The following RAD18 variants were observed in gnomAD, a reference collection of about 807,000 sequenced individuals.
RAD18 encodes the protein RAD18 E3 ubiquitin protein ligase.
Under a neutral mutation model 60.4 loss-of-function variants are expected in RAD18, and 47 were observed. The ratio of observed to expected loss-of-function variants is 0.78; its 90% CI spans 0.62 to 0.99. RAD18 has a LOEUF of 0.99. Ranked by LOEUF, RAD18 falls within the 50% of genes least tolerant of loss-of-function variation. The pLI is 0.00. For missense variants in RAD18, 640 were observed against 593.3 expected (o/e 1.08, Z -0.82); for synonymous variants, 225 against 195.5 (o/e 1.15, Z -1.26).
chr3:8,904,703 C>T (rs1939973520), intron 9 of RAD18, among the ~76,000 whole-genome samples: 1 of 152,148 alleles, frequency 6.6e-6, no homozygotes, highest in African/African-American at 2.4e-5. Flanking sequence ...AATGGGCTAA[C>T]ACTACCATCA....
intron 12 of RAD18, among the ~76,000 whole-genome samples, chr3:8,882,740 G>C (rs1364292808): frequency 6.6e-6 from 1 of 152,188 alleles, no homozygotes; most frequent in East Asian, 1.9e-4. Flanking sequence ...CTAAGCAGAA[G>C]TCAAAGCAGC....
chr3:8,902,472 T>C lies in RAD18; in HGVS notation c.1076A>G (p.Lys359Arg), dbSNP rs1939930230. ...EFQLLVDQAR[K>R]GYKKIAGMSQ... ...CATTCCAGCAATTTTCTTGTATCCT[T>C]TTCTAGCCTGATCCACCAGAAGCTG... The change falls in exon 10 of 13, where the codon AAA (lysine) becomes AGA (arginine). Residue 359 changes from lysine to arginine, a missense_variant. Physicochemically the swap from Lys to Arg is conservative, Grantham distance 26. Transcript: ENST00000264926. 2 of 1,609,488 alleles carry C rather than the reference T, an allele frequency of 1.2e-6. No homozygotes were observed. The highest frequency in any genetic ancestry group is 1.1e-5 in the South Asian group (1 of 90,112).
intron 1 of RAD18, 98 bp from the exon 2 acceptor site, chr3:8,959,099 C>T (rs907455072): frequency 1.1e-6 from 1 of 914,748 alleles, no homozygotes; most frequent in Non-Finnish European, 1.8e-6. Context: ...AAAAATCAAA[C>T]TCTTTGTCAA....
intron 2 of RAD18, among the ~76,000 whole-genome samples, chr3:8,955,906 TA>T: frequency 6.6e-6 from 1 of 152,204 alleles, no homozygotes; most frequent in East Asian, 1.9e-4. Flanking sequence ...AGTGGATGCC[TA>T]AAACCACAGG....
chr3:8,899,485 T>C (rs1939861157), intron 10 of RAD18, among the ~76,000 whole-genome samples: 1 of 152,216 alleles, frequency 6.6e-6, no homozygotes, highest in Admixed American at 6.5e-5. Context: ...TCTGGACATT[T>C]TTCTAAACAT....
chr3:8,888,572 T>C (rs566568115), intron 12 of RAD18, among the ~76,000 whole-genome samples: 2 of 152,350 alleles, frequency 1.3e-5, no homozygotes, highest in Non-Finnish European at 2.9e-5. Flanking sequence ...TCTGGAGGCT[T>C]TTCCTGATTC....
chr3:8,893,392 A>C (rs1939725744), intron 11 of RAD18, among the ~76,000 whole-genome samples: 1 of 152,132 alleles, frequency 6.6e-6, no homozygotes, highest in Non-Finnish European at 1.5e-5. Flanking sequence ...TAAAACAATA[A>C]CTCTTCAAGG....
Position 8,900,324 on chromosome 3 carries a change from C to T in RAD18, c.1169-1277G>A, listed in dbSNP as rs141912328. Among the ~76,000 whole-genome samples, 946 of 152,310 alleles carry T rather than the reference C, an allele frequency of 6.2e-3. 6 individuals are homozygous for T. Among genetic ancestry groups the T allele is most frequent in the African/African-American group, 0.022 (900 of 41,568 alleles). On this transcript the variant is annotated intron_variant, in intron 10 of 12. Transcript: ENST00000264926. ...CATTAAGAGGAGCCAATCCCCCAGT[C>T]AACTCGGTTCACCCAGGGACTATAT...
chr3:8,912,190 TTAAG>T (rs1365259978), intron 9 of RAD18, 118 bp downstream of exon 9: 1 of 774,578 alleles, frequency 1.3e-6, no homozygotes, highest in Non-Finnish European at 2.0e-6. Flanking sequence ...ATTCAATCTC[TTAAG>T]TAATGTTAAC....
intron 7 of RAD18, among the ~76,000 whole-genome samples, chr3:8,918,092 T>C (rs538907485): frequency 1.6e-4 from 24 of 151,958 alleles, no homozygotes; most frequent in African/African-American, 5.8e-4. Flanking sequence ...CCGAGGCGAG[T>C]GGATCACCTG....
At chr3:8,940,732 T>A (rs763211087) in intron 5 of RAD18, among the ~76,000 whole-genome samples, 8 of 152,206 alleles carry the variant, frequency 5.3e-5, no homozygotes, top group Non-Finnish European at 1.0e-4. Flanking sequence ...GAGACAGTGT[T>A]TTCTAACATA....
At chr3:8,943,399 T>C (rs1940788825) in intron 4 of RAD18, among the ~76,000 whole-genome samples, 1 of 150,596 alleles carries the variant, frequency 6.6e-6, no homozygotes, top group Non-Finnish European at 1.5e-5. Flanking sequence ...TAAAAAAGAA[T>C]AAAATGAACA....
chr3:8,903,375 G>C (rs777015098), intron 9 of RAD18, among the ~76,000 whole-genome samples: 1 of 151,152 alleles, frequency 6.6e-6, no homozygotes, highest in Non-Finnish European at 1.5e-5. Context: ...TAAAATAGAA[G>C]CTTCTAGGAA....
At position 8,941,679 on chromosome 3, in the gene RAD18, C is replaced by T; in HGVS notation, c.392G>A (p.Arg131Lys). The T allele has an allele frequency of 6.2e-7, 1 of 1,614,114 alleles. No individual in the cohort carries two copies. The highest frequency in any genetic ancestry group is 1.7e-5 in the Admixed American group (1 of 60,010). The change falls in exon 5 of 13, where the codon AGG becomes AAG. Residue 131 changes from arginine to lysine, a missense_variant. Coordinates refer to ENST00000264926, the MANE Select transcript of RAD18 (RefSeq NM_020165.4). ...ASRQSLKQGS[R>K]LMDNFLIREM... ...TCTGATCAAGAAATTATCCATTAAC[C>T]TGCTCCCCTGCTTTAAAGACTGTCT...
At chr3:8,888,706 T>C (rs974025868) in intron 12 of RAD18, among the ~76,000 whole-genome samples, 1 of 152,244 alleles carries the variant, frequency 6.6e-6, no homozygotes, top group East Asian at 1.9e-4. Flanking sequence ...CACTAACTAG[T>C]CCTCGGACCT....
chr3:8,913,792 G>A, intron 7 of RAD18, 72 bp from the exon 8 acceptor site: 2 of 993,928 alleles, frequency 2.0e-6, no homozygotes, highest in Admixed American at 3.1e-5. Flanking sequence ...AATTATTTAA[G>A]TTGTTAACAT....
intron 2 of RAD18, 117 bp from the exon 3 acceptor site, chr3:8,948,687 T>C: frequency 1.3e-6 from 1 of 791,552 alleles, no homozygotes; most frequent in East Asian, 2.7e-5. Context: ...TATATCATCA[T>C]AAGCTTAAAT....
chr3:8,961,388 T>C (rs1459991791), intron 1 of RAD18, among the ~76,000 whole-genome samples: 2 of 152,102 alleles, frequency 1.3e-5, no homozygotes, highest in Non-Finnish European at 2.9e-5. Flanking sequence ...TACTCTTAAG[T>C]TTTTGGGGTT....
chr3:8,924,562 C>T (rs1206580774), intron 7 of RAD18, among the ~76,000 whole-genome samples: 73 of 139,790 alleles, frequency 5.2e-4, no homozygotes, highest in African/African-American at 1.9e-3. Flanking sequence ...CCAAGCAGAC[C>T]TAATAGACAT....
Sources: gnomAD v4.1 joint callset for allele counts (sites outside exome capture counted in the v4.1 genomes callset) on GRCh38, gnomAD v4.1.1 for gene constraint, MANE v1.5 for transcripts, NCBI Gene and HGNC (gene_info 2026-07-23, HGNC 2026-07-21) for gene names.